CTNNA3: variants seen among roughly 807,000 people sequenced by gnomAD.
CTNNA3 encodes catenin alpha 3, also known as catenin alpha-3.
In CTNNA3, 76 loss-of-function variants were observed where a neutral mutation model predicts 95.7. The observed-to-expected ratio is 0.79, with a 90% confidence interval of 0.66 to 0.96. The LOEUF is 0.96. Among genes scored for constraint, CTNNA3 ranks in the 40% least tolerant of loss-of-function variants. CTNNA3 has a pLI of 0.00. For missense variants in CTNNA3, 1,191 were observed against 1,089.8 expected (o/e 1.09, Z -1.31); for synonymous variants, 431 against 374.4 (o/e 1.15, Z -1.74).
intron 5 of CTNNA3, among the ~76,000 whole-genome samples, chr10:67,453,643 T>C (rs1235063967): frequency 6.6e-6 from 1 of 152,208 alleles, no homozygotes; most frequent in African/African-American, 2.4e-5. Flanking sequence ...ACAAGGCAAC[T>C]ACTTCAGAGC....
chr10:67,174,334 T>C (rs545910877), intron 7 of CTNNA3, among the ~76,000 whole-genome samples: 1 of 152,322 alleles, frequency 6.6e-6, no homozygotes, highest in Non-Finnish European at 1.5e-5. Flanking sequence ...GAGAATAGTC[T>C]GTTTCCTCAA....
intron 10 of CTNNA3, among the ~76,000 whole-genome samples, chr10:66,605,030 T>C (rs930589215): frequency 1.3e-5 from 2 of 152,058 alleles, no homozygotes; most frequent in African/African-American, 4.8e-5. Flanking sequence ...CAGGAGTACA[T>C]TGAAGCCTAA....
chr10:67,099,302 T>C lies in CTNNA3; in HGVS notation c.1047+81015A>G, dbSNP rs532049643. 4 of 151,856 alleles carry C rather than the reference T, an allele frequency of 2.6e-5. No individual in the cohort carries two copies. In the South Asian group the frequency reaches 8.3e-4, roughly 31 times the overall value. 9.4% of individuals were successfully genotyped at this position (151,856 alleles called of 1,614,324 possible). On this transcript the variant is annotated intron_variant, in intron 7 of 17. Transcript: ENST00000433211. ...ATTGTTTGAAAATATTGTTACTTTA[T>C]CAATAGTAATCATGCATTCTTGTGT...
At chr10:66,390,580 T>C (rs1007570739) in intron 11 of CTNNA3, among the ~76,000 whole-genome samples, 3 of 152,148 alleles carry the variant, frequency 2.0e-5, no homozygotes, top group African/African-American at 4.8e-5. Flanking sequence ...CCTGGCTCCA[T>C]AGCTATAAAT....
intron 5 of CTNNA3, among the ~76,000 whole-genome samples, chr10:67,462,922 T>TG (rs1178719535): frequency 1.3e-5 from 2 of 151,672 alleles, no homozygotes; most frequent in African/African-American, 4.8e-5. Flanking sequence ...TTTTTTTTTT[T>TG]GAGATGGAGT....
intron 15 of CTNNA3, among the ~76,000 whole-genome samples, chr10:66,002,930 T>C (rs1395175262): frequency 5.3e-5 from 8 of 152,196 alleles, no homozygotes; most frequent in Non-Finnish European, 1.0e-4. Flanking sequence ...ATCCCAGGGG[T>C]GCTAAAATCC....
chr10:66,341,287 C>T (rs1589114215), intron 12 of CTNNA3, among the ~76,000 whole-genome samples: 1 of 151,826 alleles, frequency 6.6e-6, no homozygotes, highest in East Asian at 1.9e-4. Flanking sequence ...TGAAAGTTTA[C>T]TAAATGCAAA....
At chr10:67,068,301 A>G (rs1374785841) in intron 7 of CTNNA3, among the ~76,000 whole-genome samples, 1 of 152,194 alleles carries the variant, frequency 6.6e-6, no homozygotes, top group Non-Finnish European at 1.5e-5. Flanking sequence ...AAACACATAT[A>G]GATGGTGACA....
At chr10:66,522,447 C>T (rs145904147) in intron 10 of CTNNA3, among the ~76,000 whole-genome samples, 19 of 152,060 alleles carry the variant, frequency 1.2e-4, no homozygotes, top group Admixed American at 5.9e-4. Flanking sequence ...ATCATGAGGA[C>T]GGTTACCTCC....
At chr10:66,334,418 A>AAG (rs1421345649) in intron 12 of CTNNA3, among the ~76,000 whole-genome samples, 1 of 149,554 alleles carries the variant, frequency 6.7e-6, no homozygotes, top group African/African-American at 2.4e-5. Context: ...GTTTGTCACC[A>AAG]CCAGGCCTGG....
At chr10:66,682,579 C>A (rs547936262) in intron 9 of CTNNA3, among the ~76,000 whole-genome samples, 1 of 151,646 alleles carries the variant, frequency 6.6e-6, no homozygotes, top group Admixed American at 6.6e-5. Flanking sequence ...TTCTCTCAAT[C>A]ACTGTATTTT....
intron 11 of CTNNA3, among the ~76,000 whole-genome samples, chr10:66,430,507 C>A (rs1296904955): frequency 7.2e-5 from 11 of 152,176 alleles, no homozygotes; most frequent in East Asian, 1.9e-4. Flanking sequence ...AGACTATACT[C>A]CAAGGCTACA....
At position 67,489,828 on chromosome 10, in the gene CTNNA3, T is replaced by C. The variant is rs557476153; in HGVS notation, c.579+32014A>G. ...TATACACACATTAGGTGTGTGTATA[T>C]ACATATATTCATTCATTCATTTAAA... On this transcript the variant is annotated intron_variant, in intron 5 of 17. Transcript: ENST00000433211. Among the ~76,000 whole-genome samples, 128 of 148,948 alleles carry C rather than the reference T, an allele frequency of 8.6e-4. 1 individual carries two copies. In the South Asian group the frequency reaches 0.026, roughly 30 times the overall value.
At chr10:66,694,111 C>G (rs1279155712) in intron 9 of CTNNA3, among the ~76,000 whole-genome samples, 1 of 152,086 alleles carries the variant, frequency 6.6e-6, no homozygotes, top group African/African-American at 2.4e-5. Context: ...TAACTAAAAT[C>G]AGAGCAGAAC....
intron 7 of CTNNA3, among the ~76,000 whole-genome samples, chr10:66,929,978 C>T (rs1265864659): frequency 1.3e-5 from 2 of 152,194 alleles, no homozygotes; most frequent in Non-Finnish European, 2.9e-5. Flanking sequence ...CCAACCCCTA[C>T]ATCTTTAACC....
At chr10:67,252,187 G>A (rs1866136839) in intron 5 of CTNNA3, among the ~76,000 whole-genome samples, 1 of 149,600 alleles carries the variant, frequency 6.7e-6, no homozygotes, top group Non-Finnish European at 1.5e-5. Context: ...CTCTAACTTG[G>A]GCAACAGAGC....
At chr10:67,372,662 G>A (rs1447320463) in intron 5 of CTNNA3, among the ~76,000 whole-genome samples, 6 of 152,038 alleles carry the variant, frequency 3.9e-5, no homozygotes, top group African/African-American at 1.4e-4. Flanking sequence ...GCAACTCCAA[G>A]ACACATAATT....
chr10:67,681,834 T>C (rs1840630689), intron 1 of CTNNA3, among the ~76,000 whole-genome samples: 1 of 152,134 alleles, frequency 6.6e-6, no homozygotes, highest in African/African-American at 2.4e-5. Context: ...GGCAAAAAGC[T>C]AATTTGCTTA....
intron 3 of CTNNA3, among the ~76,000 whole-genome samples, chr10:67,596,625 G>A (rs1009909724): frequency 4.7e-4 from 72 of 152,180 alleles, no homozygotes; most frequent in African/African-American, 1.6e-3. Flanking sequence ...TAGGGTTTCT[G>A]CTGAAAGGTC....
Sources: gnomAD v4.1 joint callset for allele counts (sites outside exome capture counted in the v4.1 genomes callset) on GRCh38, gnomAD v4.1.1 for gene constraint, MANE v1.5 for transcripts, NCBI Gene and HGNC (gene_info 2026-07-23, HGNC 2026-07-21) for gene names.